Variants in ACAP1 observed in about 807,000 individuals in gnomAD.
The protein encoded by ACAP1 is arf-GAP with coiled-coil, ANK repeat and PH domain-containing protein 1.
A neutral mutation model predicts 98.8 loss-of-function variants in ACAP1; 45 were observed. The ratio of observed to expected loss-of-function variants is 0.46; its 90% CI spans 0.36 to 0.58. The LOEUF is 0.58. ACAP1 is among the 20% of genes least tolerant of loss of function. ACAP1 has a pLI of 0.00. For missense variants in ACAP1, 735 were observed against 971.4 expected, an observed-to-expected ratio of 0.76 and a Z score of 3.24; for synonymous variants, 362 against 375.3, an observed-to-expected ratio of 0.96 and a Z score of 0.41.
chr17:7,345,665 T>G (rs554253838), intron 10 of ACAP1: 1 of 152,272 alleles, frequency 6.6e-6, no homozygotes, highest in African/African-American at 2.4e-5. Context: ...TCTTTTTTTT[T>G]CTTTTTTGAT....
chr17:7,341,648 G>A (rs938520700), intron 2 of ACAP1, among the ~76,000 whole-genome samples: 9 of 152,226 alleles, frequency 5.9e-5, no homozygotes, highest in East Asian at 1.9e-4. Flanking sequence ...AGATATGTGC[G>A]AGTGGACAGG....
Position 7,341,979 on chromosome 17 carries a change from G to A in ACAP1, c.143G>A (p.Ser48Asn). Reference protein sequence around the residue: ...LLKLGTGLLESGRHYLAASRA... With the variant: ...LLKLGTGLLENGRHYLAASRA... Reference sequence around the variant, plus strand: ...AAACTGGGCACTGGTCTCCTGGAAAGTGGGCGCCATTACCTTGCTGCCAGC... The same window carrying A: ...AAACTGGGCACTGGTCTCCTGGAAAATGGGCGCCATTACCTTGCTGCCAGC... Residue 48 changes from serine (S) to asparagine (N), a missense_variant, in exon 3 of 22, where the codon AGT (serine) becomes AAT (asparagine). Physicochemically the swap from Ser to Asn is conservative, Grantham distance 46 (BLOSUM62 1). This residue lies in a region of ACAP1 where 430 missense variants were observed against 531.8 expected (regional missense o/e 0.81). Coordinates refer to ENST00000158762, the MANE Select transcript of ACAP1 (RefSeq NM_014716.4). 1.2e-6 allele frequency: 2 copies of A among 1,614,214 alleles called. No individual in the cohort carries two copies. The highest frequency in any genetic ancestry group is 1.7e-6 in the Non-Finnish European group (2 of 1,180,038).
chr17:7,346,069 A>T, intron 10 of ACAP1, 175 bp from the exon 11 acceptor site: 1 of 671,924 alleles, frequency 1.5e-6, no homozygotes, highest in Non-Finnish European at 2.7e-6. Context: ...TAGGAATAGC[A>T]TCCTTTAGAT....
rs1014780005 is a variant in ACAP1 at position 7,350,513 on chromosome 17, A to G, written c.2072+276A>G. The G allele has an allele frequency of 1.9e-6, 1 of 532,432 alleles. No homozygotes were observed. The highest frequency in any genetic ancestry group is 1.9e-5 in the African/African-American group (1 of 52,396). The allele number at this position is 532,432 out of a possible 1,614,324, so 33.0% of individuals were successfully genotyped here. ...TCGCCCATCAACATTGCTGTCAGGC[A>G]TCTTTTTAGCACTAGACGTGACCCC... On this transcript the variant is annotated intron_variant, in intron 20 of 21. Transcript: ENST00000158762. The surrounding 1 kb of genome is among the most constrained non-coding windows in gnomAD (Gnocchi z 4.6).
chr17:7,351,128 T>G, intron 21 of ACAP1, 129 bp downstream of exon 21: 1 of 1,143,076 alleles, frequency 8.7e-7, no homozygotes, highest in South Asian at 1.4e-5. Flanking sequence ...ATTGGGCGCA[T>G]GCGACGTGCC....
rs1434727094 is a variant in ACAP1 at position 7,343,979 on chromosome 17, G to A, written c.669+23G>A. On this transcript the variant is annotated intron_variant, in intron 8 of 21. Transcript: ENST00000158762. The surrounding 1 kb of genome is among the most constrained non-coding windows in gnomAD (Gnocchi z 4.9). ...CAGGTGGGGCCCCAGGGCACAGCAG[G>A]TGGTAGAGGGAGGTTAGGGACTCCT... 1 of 1,577,494 alleles carries A rather than the reference G, an allele frequency of 6.3e-7. No homozygotes were observed. The highest frequency in any genetic ancestry group is 1.9e-5 in the Admixed American group (1 of 53,260).
chr17:7,344,490 C>G lies in ACAP1; in HGVS notation c.745-49C>G. ...TGGGCAGGAGGCAGATGCCTATGGCCTTGGTGTCTGCCCATCTCAGTTGCC... is the reference window on the plus strand; with the variant it reads ...TGGGCAGGAGGCAGATGCCTATGGCGTTGGTGTCTGCCCATCTCAGTTGCC... On this transcript the variant is annotated intron_variant, in intron 9 of 21. Coordinates refer to ENST00000158762, the MANE Select transcript of ACAP1 (RefSeq NM_014716.4). This position sits in a 1 kb window ranked among gnomAD's most constrained non-coding sequence, Gnocchi z 4.9. The G allele has an allele frequency of 2.2e-6, 3 of 1,368,940 alleles. No homozygotes were observed. The highest frequency in any genetic ancestry group is 3.1e-6 in the Non-Finnish European group (3 of 982,334). 84.8% of individuals were successfully genotyped at this position (1,368,940 alleles called of 1,614,324 possible). A position where few individuals can be genotyped will look rare whatever the true frequency, so the allele number is the denominator to read the frequency against.
chr17:7,348,595 G>C, intron 17 of ACAP1, 120 bp downstream of exon 17: 1 of 1,160,988 alleles, frequency 8.6e-7, no homozygotes, highest in Non-Finnish European at 1.2e-6. Context: ...CGGAGGGACC[G>C]GACTGCCGTT....
chr17:7,348,005 T>A lies in ACAP1; in HGVS notation c.1413+14T>A. 6.2e-7 allele frequency: 1 copy of A among 1,613,962 alleles called. No homozygotes were observed. Among genetic ancestry groups the A allele is most frequent in the South Asian group, 1.1e-5 (1 of 91,078 alleles). The stretch of plus-strand genomic sequence containing the variant: ...GAACTAGTGAAGGTAACTTAGCGTA[T>A]TGTGAAGATTGGGGGCAAGAACTTG... On this transcript the variant is annotated intron_variant, in intron 15 of 21. Coordinates refer to ENST00000158762, the MANE Select transcript of ACAP1 (RefSeq NM_014716.4).
rs748077029 is a variant in ACAP1 at position 7,346,935 on chromosome 17, C to T, written c.1131+4C>T. 4 of 1,608,468 alleles carry T rather than the reference C, an allele frequency of 2.5e-6. No homozygotes were observed. Among genetic ancestry groups the T allele is most frequent in the Non-Finnish European group, 3.4e-6 (4 of 1,176,116 alleles). ...CAGCCCCCGGGGTCCAGGCCAGGTA[C>T]CTTAACCTGGGGGTGCGGAGCCAGG... is the stretch of plus-strand genomic sequence containing the variant. On this transcript the variant is annotated splice_donor_region_variant and intron_variant, in intron 13 of 21. Transcript: ENST00000158762.
At position 7,344,059 on chromosome 17, in the gene ACAP1, T is replaced by C; in HGVS notation, c.680T>C (p.Leu227Pro). The C allele has an allele frequency of 6.3e-7, 1 of 1,592,938 alleles. No homozygotes were observed. The highest frequency in any genetic ancestry group is 1.7e-5 in the Admixed American group (1 of 57,178). The change falls in exon 9 of 22, where the codon CTG becomes CCG. Residue 227 changes from leucine (L) to proline (P), a missense_variant. Physicochemically the swap from Leu to Pro is moderately conservative, Grantham distance 98 (BLOSUM62 -3). Coordinates refer to ENST00000158762, the MANE Select transcript of ACAP1 (RefSeq NM_014716.4). This position sits in a 1 kb window ranked among gnomAD's most constrained non-coding sequence, Gnocchi z 4.9. ...CCTTCCTGTGCCCAGTTGCACCAGC[T>C]GGTCTTGAATTCAGCACGAGAGAAG... is the stretch of plus-strand genomic sequence containing the variant. Reference protein sequence around the residue: ...RKELGAQLHQLVLNSAREKRD... With the variant: ...RKELGAQLHQPVLNSAREKRD...
Position 7,344,227 on chromosome 17 carries a change from C to T in ACAP1, c.744+104C>T, listed in dbSNP as rs1388231597. Reference sequence around the variant, plus strand: ...TGGAGTTCAAGATTAGCCTAGGCATCGTAGTGAAACTCCATCTCTACAGAA... The same window carrying T: ...TGGAGTTCAAGATTAGCCTAGGCATTGTAGTGAAACTCCATCTCTACAGAA... On this transcript the variant is annotated intron_variant, in intron 9 of 21. Coordinates refer to ENST00000158762, the MANE Select transcript of ACAP1 (RefSeq NM_014716.4). The surrounding 1 kb of genome is among the most constrained non-coding windows in gnomAD (Gnocchi z 4.9). 5.5e-6 allele frequency: 7 copies of T among 1,265,538 alleles called. No individual in the cohort carries two copies. Among genetic ancestry groups the T allele is most frequent in the South Asian group, 1.3e-5 (1 of 74,434 alleles). 78.4% of individuals were successfully genotyped at this position (1,265,538 alleles called of 1,614,324 possible).
At chr17:7,341,182 G>A (rs1206489645) in intron 2 of ACAP1, among the ~76,000 whole-genome samples, 2 of 152,160 alleles carry the variant, frequency 1.3e-5, no homozygotes, top group Non-Finnish European at 2.9e-5. Context: ...ACAGAGTCTC[G>A]GTCTGTCACC....
Position 7,350,837 on chromosome 17 carries a change from C to T in ACAP1, c.2073-113C>T. 1.9e-6 allele frequency: 2 copies of T among 1,027,582 alleles called. No individual in the cohort carries two copies. The highest frequency in any genetic ancestry group is 3.0e-6 in the Non-Finnish European group (2 of 664,982). 63.7% of individuals were successfully genotyped at this position (1,027,582 alleles called of 1,614,324 possible). ...ATGTTGGCCAGGACGGTCTCGATCT[C>T]CTGACCTCGTGATCCGCCTGCCTCG... is the stretch of plus-strand genomic sequence containing the variant. On this transcript the variant is annotated intron_variant, in intron 20 of 21. Transcript: ENST00000158762. This position sits in a 1 kb window ranked among gnomAD's most constrained non-coding sequence, Gnocchi z 4.6.
At position 7,344,793 on chromosome 17, in the gene ACAP1, A is replaced by G. The variant is rs888778252; in HGVS notation, c.854+145A>G. The stretch of plus-strand genomic sequence containing the variant: ...TTCCATCAGCAAAGACAGAGGATAA[A>G]CCTAGTATGTAAATTACGTGCTATG... On this transcript the variant is annotated intron_variant, in intron 10 of 21. Transcript: ENST00000158762. The surrounding 1 kb of genome is among the most constrained non-coding windows in gnomAD (Gnocchi z 4.9). 3 of 630,036 alleles carry G rather than the reference A, an allele frequency of 4.8e-6. No homozygotes were observed. Among genetic ancestry groups the G allele is most frequent in the Non-Finnish European group, 8.5e-6 (3 of 354,858 alleles). 39.0% of individuals were successfully genotyped at this position (630,036 alleles called of 1,614,324 possible).
In ACAP1 at chr17:7,348,448, C is replaced by A; in HGVS notation, c.1651C>A (p.Arg551=). The change falls in exon 17 of 22, where the codon CGG becomes AGG. Residue 551 remains arginine (R), a synonymous_variant. Coordinates refer to ENST00000158762, the MANE Select transcript of ACAP1 (RefSeq NM_014716.4). ...GCCCCCAAAGCCTTCCATCAGGCCC[C>A]GGCCAGGGAGCTTGAGATCCAAGCC... The part of the protein sequence containing the change: ...PVPPKPSIRP[R]PGSLRSKPEP... 1 of 1,489,044 alleles carries A rather than the reference C, an allele frequency of 6.7e-7. No individual in the cohort carries two copies. The highest frequency in any genetic ancestry group is 2.3e-5 in the East Asian group (1 of 42,860). The allele number at this position is 1,489,044 out of a possible 1,614,324, so 92.2% of individuals were successfully genotyped here. A position where few individuals can be genotyped will look rare whatever the true frequency, so the allele number is the denominator to read the frequency against.
chr17:7,338,796 C>T (rs1597647285), intron 2 of ACAP1, among the ~76,000 whole-genome samples: 1 of 151,620 alleles, frequency 6.6e-6, no homozygotes, highest in South Asian at 2.1e-4. Context: ...ATCCTCCCAC[C>T]TCAGCCTCCC....
Position 7,350,390 on chromosome 17 carries a change from G to T in ACAP1, c.2072+153G>T. 1.8e-6 allele frequency: 1 copy of T among 569,854 alleles called. No homozygotes were observed. Among genetic ancestry groups the T allele is most frequent in the Non-Finnish European group, 3.0e-6 (1 of 331,360 alleles). 35.3% of individuals were successfully genotyped at this position (569,854 alleles called of 1,614,324 possible). A position where few individuals can be genotyped will look rare whatever the true frequency, so the allele number is the denominator to read the frequency against. On this transcript the variant is annotated intron_variant, in intron 20 of 21. Transcript: ENST00000158762. The surrounding 1 kb of genome is among the most constrained non-coding windows in gnomAD (Gnocchi z 4.6). ...GGGCCAGCGCCGGGGCCAGGCTCGA[G>T]AAAGGCTGCGCGAAGTGTGCACTGG...
rs773460391 is a variant in ACAP1 at position 7,348,417 on chromosome 17, T to A, written c.1620T>A (p.Pro540=). Reference sequence around the variant, plus strand: ...GCCGGGGGCGCCCAAGGGGGCAGCCTCCTGTGCCCCCAAAGCCTTCCATCA... The same window carrying A: ...GCCGGGGGCGCCCAAGGGGGCAGCCACCTGTGCCCCCAAAGCCTTCCATCA... The part of the protein sequence containing the change: ...RGGRGRPRGQ[P]PVPPKPSIRP... Residue 540 remains proline, a synonymous_variant, in exon 17 of 22, where the codon CCT becomes CCA. Coordinates refer to ENST00000158762, the MANE Select transcript of ACAP1 (RefSeq NM_014716.4). 2.0e-6 allele frequency: 3 copies of A among 1,528,428 alleles called. No individual in the cohort carries two copies. The highest frequency in any genetic ancestry group is 2.2e-5 in the Admixed American group (1 of 45,150). The allele number at this position is 1,528,428 out of a possible 1,614,324, so 94.7% of individuals were successfully genotyped here.
Sources: allele counts gnomAD v4.1 joint callset (sites outside exome capture counted in the v4.1 genomes callset), GRCh38; gene constraint gnomAD v4.1.1; regional missense constraint gnomAD v4.1.1; non-coding constraint Gnocchi (gnomAD v3.1); transcripts MANE v1.5; gene names NCBI Gene and HGNC (gene_info 2026-07-23, HGNC 2026-07-21).